RAD50: variants seen among roughly 807,000 people sequenced by gnomAD.
RAD50 encodes RAD50 double strand break repair protein, also known as DNA repair protein RAD50.
A neutral mutation model predicts 168.8 loss-of-function variants in RAD50; 132 were observed. That is an observed-to-expected ratio of 0.78 (90% CI 0.68 to 0.90). The LOEUF is 0.90. Ranked by LOEUF, RAD50 falls within the 40% of genes least tolerant of loss-of-function variation. The pLI, the probability that RAD50 is intolerant of heterozygous loss-of-function variation, is 0.00. For synonymous variants in RAD50, 525 were observed against 497.4 expected (o/e 1.06, Z -0.74); for missense variants, 1,347 against 1,534.4 (o/e 0.88, Z 2.04).
intron 2 of RAD50, among the ~76,000 whole-genome samples, chr5:132,561,208 T>TA (rs1750118746): frequency 6.6e-6 from 1 of 152,170 alleles, no homozygotes; most frequent in African/African-American, 2.4e-5. Context: ...TCTTTTTTTT[T>TA]ATGAGACGGA....
At chr5:132,582,134 C>G (rs2149838848) in intron 5 of RAD50, among the ~76,000 whole-genome samples, 1 of 152,198 alleles carries the variant, frequency 6.6e-6, no homozygotes, top group South Asian at 2.1e-4. Context: ...TGAACACTGT[C>G]AAGGAAATCC....
intron 13 of RAD50, among the ~76,000 whole-genome samples, chr5:132,598,294 C>G (rs2023270): frequency 6.6e-6 from 1 of 152,144 alleles, no homozygotes; most frequent in East Asian, 1.9e-4. Context: ...CAGGCAATCG[C>G]CTGCCTCAGC....
chr5:132,584,950 G>A, intron 5 of RAD50, among the ~76,000 whole-genome samples: 1 of 125,752 alleles, frequency 8.0e-6, no homozygotes, highest in Non-Finnish European at 1.6e-5. Context: ...GTCCTGTTGT[G>A]GGGTGGGGGG....
chr5:132,618,059 CT>C lies in RAD50; in HGVS notation c.3165-5del, dbSNP rs1751207168. 2 of 1,608,656 alleles carry C rather than the reference CT, an allele frequency of 1.2e-6. No homozygotes were observed. The highest frequency in any genetic ancestry group is 4.5e-5 in the East Asian group (2 of 44,760). On this transcript the variant is annotated splice_polypyrimidine_tract_variant and intron_variant, in intron 20 of 24. Transcript: ENST00000378823. Reference sequence around the variant, plus strand: ...AAAATGGTCCTCATTTGTCATTTTTCTTTTTTACAGTGAACATCAGAAGTTG... The same window carrying C: ...AAAATGGTCCTCATTTGTCATTTTTCTTTTTACAGTGAACATCAGAAGTTG...
rs1409257910 is a variant in RAD50, at chr5:132,643,231, C to T, written c.*867C>T. The T allele has an allele frequency of 8.7e-6, 3 of 345,266 alleles. No homozygotes were observed. The highest frequency in any genetic ancestry group is 4.0e-5 in the African/African-American group (2 of 49,960). The allele number at this position is 345,266 out of a possible 1,614,324, so 21.4% of individuals were successfully genotyped here. ...GGCAAGCCAGGCTCACTCACAGAGT[C>T]AAGGCCTGCTCCCTGTAGGGTCCAA... On this transcript the variant is annotated 3_prime_UTR_variant, in exon 25 of 25. Transcript: ENST00000378823.
At chr5:132,616,468 G>A (rs147283054) in intron 20 of RAD50, among the ~76,000 whole-genome samples, 3 of 152,272 alleles carry the variant, frequency 2.0e-5, no homozygotes, top group Non-Finnish European at 4.4e-5. Context: ...GTCAGAGCTT[G>A]TACAGTCTAT....
At chr5:132,619,652 T>G (rs971378484) in intron 21 of RAD50, among the ~76,000 whole-genome samples, 4 of 152,036 alleles carry the variant, frequency 2.6e-5, no homozygotes, top group African/African-American at 9.7e-5. Flanking sequence ...ACAAATGTCT[T>G]TTCAAACATT....
In RAD50 at chr5:132,630,043, CT is replaced by C. The variant is rs753085121; in HGVS notation, c.3390-7056del. On this transcript the variant is annotated intron_variant, in intron 21 of 24. Transcript: ENST00000378823. ...GTGGAAGGTTGCATATTAGGTAATA[CT>C]TTTTTTTTTTTTTTTGAGACAGAGT... is the stretch of plus-strand genomic sequence containing the variant. Among the ~76,000 whole-genome samples the C allele has an allele frequency of 5.5e-3, 781 of 141,152 alleles. 6 individuals are homozygous for C. Among genetic ancestry groups the C allele is most frequent in the African/African-American group, 0.011 (404 of 38,156 alleles). The allele number at this position is 141,152 out of a possible 152,430, so 92.6% of individuals were successfully genotyped here.
chr5:132,584,692 A>C (rs1374431834), intron 5 of RAD50, among the ~76,000 whole-genome samples: 1 of 152,178 alleles, frequency 6.6e-6, no homozygotes, highest in Non-Finnish European at 1.5e-5. Flanking sequence ...CTTAGAACCA[A>C]CCCAAATGTC....
rs779659173 is a variant in RAD50 at position 132,638,189 on chromosome 5, TG to T, written c.3586del (p.Asp1196IlefsTer13). ...RVVMLKGDTA[L>X]DMRGRCSAGQ... ...GTGATGCTGAAGGGAGACACAGCCTTGGATATGCGAGGACGATGCAGTGCTG... is the reference window on the plus strand; with the variant it reads ...GTGATGCTGAAGGGAGACACAGCCTTGATATGCGAGGACGATGCAGTGCTG... On this transcript the variant is annotated frameshift_variant, in exon 23 of 25. Coordinates refer to ENST00000378823, the MANE Select transcript of RAD50 (RefSeq NM_005732.4). LOFTEE classifies it high-confidence loss of function. The T allele has an allele frequency of 4.3e-6, 7 of 1,614,168 alleles. No homozygotes were observed. Among genetic ancestry groups the T allele is most frequent in the Non-Finnish European group, 5.9e-6 (7 of 1,180,032 alleles).
intron 13 of RAD50, among the ~76,000 whole-genome samples, chr5:132,597,462 C>T (rs1242973324): frequency 2.0e-5 from 3 of 152,156 alleles, no homozygotes; most frequent in Non-Finnish European, 4.4e-5. Flanking sequence ...TGTGTGAACT[C>T]GCTCACTCTC....
chr5:132,596,600 A>G (rs1267554170), intron 13 of RAD50, among the ~76,000 whole-genome samples: 1 of 152,256 alleles, frequency 6.6e-6, no homozygotes, highest in Non-Finnish European at 1.5e-5. Context: ...TTTACAAACA[A>G]AAATCAAGTC....
intron 16 of RAD50, among the ~76,000 whole-genome samples, chr5:132,607,875 T>A (rs1468155607): frequency 6.6e-6 from 1 of 152,212 alleles, no homozygotes; most frequent in Non-Finnish European, 1.5e-5. Flanking sequence ...TGTATCTACC[T>A]CTATAGATTC....
At chr5:132,602,437 G>A (rs774810654) in intron 13 of RAD50, among the ~76,000 whole-genome samples, 24 of 152,132 alleles carry the variant, frequency 1.6e-4, no homozygotes, top group Non-Finnish European at 2.2e-4. Context: ...GTCAGTACCT[G>A]CCATGGAGGT....
chr5:132,636,693 A>C (rs1751587352), intron 21 of RAD50, among the ~76,000 whole-genome samples: 1 of 152,162 alleles, frequency 6.6e-6, no homozygotes, highest in Non-Finnish European at 1.5e-5. Context: ...TCTACCCTTT[A>C]ACTCCCTGTC....
At chr5:132,599,743 T>A (rs1010629377) in intron 13 of RAD50, among the ~76,000 whole-genome samples, 8 of 151,814 alleles carry the variant, frequency 5.3e-5, no homozygotes, top group African/African-American at 7.3e-5. Flanking sequence ...TTTTTTTTTT[T>A]AAATATGGGA....
At chr5:132,609,747 A>G (rs991761486) in intron 19 of RAD50, among the ~76,000 whole-genome samples, 1 of 152,184 alleles carries the variant, frequency 6.6e-6, no homozygotes, top group Non-Finnish European at 1.5e-5. Context: ...GTACCACTGC[A>G]CTCTAGCCTG....
chr5:132,610,605 T>C (rs1751067398), intron 19 of RAD50, among the ~76,000 whole-genome samples: 1 of 152,164 alleles, frequency 6.6e-6, no homozygotes, highest in Non-Finnish European at 1.5e-5. Context: ...GAAGATTAGT[T>C]ACATTAGTTT....
Position 132,640,788 on chromosome 5 carries a change from T to A in RAD50, c.3735T>A (p.Leu1245=), listed in dbSNP as rs531780578. The change falls in exon 24 of 25, where the codon CTT becomes CTA. Residue 1245 remains leucine (L), a synonymous_variant. Coordinates refer to ENST00000378823, the MANE Select transcript of RAD50 (RefSeq NM_005732.4). The stretch of plus-strand genomic sequence containing the variant: ...TTGACCGAGAAAACATTGAATCTCT[T>A]GCACATGCTCTGGTTGAGTAAGTAT... ...TNLDRENIES[L]AHALVEIIKS... is the part of the protein sequence containing the mutation. The A allele has an allele frequency of 6.2e-7, 1 of 1,613,244 alleles. No individual in the cohort carries two copies. The highest frequency in any genetic ancestry group is 8.5e-7 in the Non-Finnish European group (1 of 1,179,476).
Sources: allele counts gnomAD v4.1 joint callset (sites outside exome capture counted in the v4.1 genomes callset), GRCh38; gene constraint gnomAD v4.1.1; transcripts MANE v1.5; gene names NCBI Gene and HGNC (gene_info 2026-07-23, HGNC 2026-07-21).